ST6GALNAC5: variants seen among roughly 807,000 people sequenced by gnomAD.
ST6GALNAC5 encodes alpha-N-acetylgalactosaminide alpha-2,6-sialyltransferase 5.
Under a neutral mutation model 33.6 loss-of-function variants are expected in ST6GALNAC5, and 27 were observed. The ratio of observed to expected loss-of-function variants is 0.80; its 90% CI spans 0.59 to 1.11. The LOEUF (loss-of-function observed/expected upper bound fraction) is 1.11, where lower values mean the gene tolerates loss of function less well. ST6GALNAC5 is among the 50% of genes least tolerant of loss of function. ST6GALNAC5 has a pLI of 0.00. For missense variants in ST6GALNAC5, 428 were observed against 454.0 expected, an observed-to-expected ratio of 0.94 and a Z score of 0.52; for synonymous variants, 194 against 171.2, an observed-to-expected ratio of 1.13 and a Z score of -1.04.
chr1:77,035,330 A>G (rs1651610245), intron 2 of ST6GALNAC5, among the ~76,000 whole-genome samples: 2 of 152,198 alleles, frequency 1.3e-5, no homozygotes, highest in Admixed American at 1.3e-4. Flanking sequence ...GATCCCATAT[A>G]AAAATATGTC....
chr1:77,010,495 A>G (rs560814306), intron 2 of ST6GALNAC5, among the ~76,000 whole-genome samples: 1 of 152,196 alleles, frequency 6.6e-6, no homozygotes, highest in East Asian at 1.9e-4. Context: ...ACTCTGTCTC[A>G]AAAAAATAAA....
chr1:77,007,806 C>T (rs984288412), intron 2 of ST6GALNAC5, among the ~76,000 whole-genome samples: 1 of 152,180 alleles, frequency 6.6e-6, no homozygotes, highest in Non-Finnish European at 1.5e-5. Flanking sequence ...ACTTTTGCAC[C>T]AACCTAATAC....
At chr1:76,893,125 G>C (rs142101365) in intron 2 of ST6GALNAC5, among the ~76,000 whole-genome samples, 146 of 152,236 alleles carry the variant, frequency 9.6e-4, no homozygotes, top group Non-Finnish European at 1.7e-3. Context: ...AAAAAATGTA[G>C]ATCCTGCCCC....
At chr1:76,936,706 C>T (rs1286394915) in intron 2 of ST6GALNAC5, among the ~76,000 whole-genome samples, 1 of 151,920 alleles carries the variant, frequency 6.6e-6, no homozygotes, top group Non-Finnish European at 1.5e-5. Context: ...GTGAGGTTGT[C>T]CAAAGGGAAT....
chr1:76,945,438 A>G (rs575705975), intron 2 of ST6GALNAC5, among the ~76,000 whole-genome samples: 15 of 152,202 alleles, frequency 9.9e-5, no homozygotes, highest in African/African-American at 3.6e-4. Flanking sequence ...TGAACGATGA[A>G]CCAAAGTCAT....
At chr1:76,990,584 A>G (rs1173583928) in intron 2 of ST6GALNAC5, among the ~76,000 whole-genome samples, 1 of 152,140 alleles carries the variant, frequency 6.6e-6, no homozygotes, top group East Asian at 1.9e-4. Flanking sequence ...AGGCTATGAA[A>G]GAAGGCAGCC....
intron 2 of ST6GALNAC5, among the ~76,000 whole-genome samples, chr1:77,040,011 A>G (rs950517567): frequency 6.6e-5 from 10 of 152,246 alleles, no homozygotes; most frequent in African/African-American, 2.4e-4. Flanking sequence ...CAAGGCATGA[A>G]TATTTCCACC....
At chr1:76,966,742 A>C (rs1018864442) in intron 2 of ST6GALNAC5, among the ~76,000 whole-genome samples, 3 of 152,142 alleles carry the variant, frequency 2.0e-5, no homozygotes, top group African/African-American at 7.2e-5. Flanking sequence ...GTTTGTCATA[A>C]ATAGCTCTTA....
At chr1:76,902,842 T>G (rs1016598215) in intron 2 of ST6GALNAC5, among the ~76,000 whole-genome samples, 2 of 152,110 alleles carry the variant, frequency 1.3e-5, no homozygotes, top group African/African-American at 4.8e-5. Flanking sequence ...TGTAAAACAA[T>G]GAAATTGGGC....
intron 2 of ST6GALNAC5, among the ~76,000 whole-genome samples, chr1:76,912,870 C>T (rs1646929119): frequency 6.6e-6 from 1 of 152,042 alleles, no homozygotes. Context: ...GACTCTTTAT[C>T]CAATTTGCCA....
intron 2 of ST6GALNAC5, among the ~76,000 whole-genome samples, chr1:77,029,114 T>C (rs71658780): frequency 7.1e-4 from 108 of 152,190 alleles, no homozygotes; most frequent in Non-Finnish European, 1.3e-3. Context: ...TCTTTAGGGA[T>C]GAGGGGGTTA....
At chr1:77,060,328 T>C (rs1331421949) in intron 4 of ST6GALNAC5, 1 of 152,174 alleles carries the variant, frequency 6.6e-6, no homozygotes, top group Non-Finnish European at 1.5e-5. Flanking sequence ...GAAATTCCGC[T>C]GAGGTTTATT....
intron 2 of ST6GALNAC5, among the ~76,000 whole-genome samples, chr1:76,984,951 G>T (rs1437540398): frequency 2.0e-5 from 3 of 152,104 alleles, no homozygotes; most frequent in Admixed American, 6.6e-5. Context: ...AAAGGCCTTC[G>T]GCAAAATTCA....
At chr1:76,915,317 A>G (rs1190967119) in intron 2 of ST6GALNAC5, among the ~76,000 whole-genome samples, 4 of 152,026 alleles carry the variant, frequency 2.6e-5, no homozygotes, top group Non-Finnish European at 1.5e-5. Flanking sequence ...TAGAAATACC[A>G]TTTGACCCAG....
At chr1:77,043,904 C>T (rs1474092369) in intron 2 of ST6GALNAC5, among the ~76,000 whole-genome samples, 1 of 152,082 alleles carries the variant, frequency 6.6e-6, no homozygotes, top group East Asian at 1.9e-4. Flanking sequence ...AAAATGACCA[C>T]GAGAGAAACC....
At chr1:76,869,037 G>T (rs1190886235) in intron 2 of ST6GALNAC5, 5 of 324,832 alleles carry the variant, frequency 1.5e-5, no homozygotes, top group Non-Finnish European at 2.7e-5. Flanking sequence ...TTGCAGCTGC[G>T]GATGGAGGTC....
chr1:76,965,488 T>G (rs1648430392), intron 2 of ST6GALNAC5, among the ~76,000 whole-genome samples: 1 of 152,216 alleles, frequency 6.6e-6, no homozygotes, highest in South Asian at 2.1e-4. Flanking sequence ...TTTAAGTTCT[T>G]TGTAGATTCT....
At chr1:77,037,280 A>G (rs1188245295) in intron 2 of ST6GALNAC5, among the ~76,000 whole-genome samples, 1 of 152,256 alleles carries the variant, frequency 6.6e-6, no homozygotes, top group African/African-American at 2.4e-5. Context: ...GCCATTATCC[A>G]AAGTGAATTA....
intron 2 of ST6GALNAC5, among the ~76,000 whole-genome samples, chr1:76,977,076 T>A (rs968629372): frequency 2.2e-4 from 34 of 152,312 alleles, no homozygotes; most frequent in African/African-American, 7.2e-4. Context: ...TTCTTTTATA[T>A]GTTTCTATCT....
Sources: allele counts gnomAD v4.1 joint callset (sites outside exome capture counted in the v4.1 genomes callset), GRCh38; gene constraint gnomAD v4.1.1; transcripts MANE v1.5; gene names NCBI Gene and HGNC (gene_info 2026-07-23, HGNC 2026-07-21).